Variants in PM20D2 observed in about 807,000 individuals in gnomAD.
The protein encoded by PM20D2 is peptidase M20 domain containing 2, also known as xaa-Arg dipeptidase.
A neutral mutation model predicts 42.9 loss-of-function variants in PM20D2; 33 were observed. That is an observed-to-expected ratio of 0.77 (90% CI 0.58 to 1.03). PM20D2 has a LOEUF of 1.03. PM20D2 is among the 50% of genes least tolerant of loss of function. The pLI, the probability that PM20D2 is intolerant of heterozygous loss-of-function variation, is 0.00. For missense variants in PM20D2, 548 were observed against 557.0 expected, an observed-to-expected ratio of 0.98 and a Z score of 0.16; for synonymous variants, 250 against 228.2, an observed-to-expected ratio of 1.10 and a Z score of -0.86.
the PM20D2 span, chr6:89,098,876 G>A: frequency 6.2e-7 from 1 of 1,613,798 alleles, no homozygotes; most frequent in Non-Finnish European, 8.5e-7. Context: ...CTGCCTTGCT[G>A]AGGTAGACCG....
At chr6:89,114,603 TAA>T in the PM20D2 span, among the ~76,000 whole-genome samples, 42 of 134,064 alleles carry the variant, frequency 3.1e-4, no homozygotes, top group African/African-American at 4.4e-4. Context: ...GTGGCAAAGC[TAA>T]AAAAAAAAAA....
the PM20D2 span, among the ~76,000 whole-genome samples, chr6:89,108,756 G>C: frequency 6.6e-6 from 1 of 152,156 alleles, no homozygotes; most frequent in African/African-American, 2.4e-5. Flanking sequence ...ACTGATAAGA[G>C]TTCTATAAGC....
chr6:89,109,139 C>T, the PM20D2 span, among the ~76,000 whole-genome samples: 1 of 152,170 alleles, frequency 6.6e-6, no homozygotes, highest in Non-Finnish European at 1.5e-5. Flanking sequence ...TTCTCAACCT[C>T]TCCTGAGTAC....
the PM20D2 span, among the ~76,000 whole-genome samples, chr6:89,102,272 T>G: frequency 2.0e-5 from 3 of 152,030 alleles, no homozygotes; most frequent in Admixed American, 6.6e-5. Context: ...ACCTCCCAAG[T>G]AGCTGGGATT....
rs1770557660 is a variant in PM20D2 at position 89,146,455 on chromosome 6, GC to G, written c.314del (p.Pro105ArgfsTer36). On this transcript the variant is annotated frameshift_variant, in exon 1 of 7. Transcript: ENST00000275072. LOFTEE classifies it high-confidence loss of function. ...PEARAPSATP[R>X]PLHLGFLCEY... ...GCCCGGGCACCGAGCGCCACGCCAC[GC>G]CCGCTGCACCTGGGCTTCCTCTGCG... 6.6e-7 allele frequency: 1 copy of G among 1,522,874 alleles called. No individual in the cohort carries two copies. Among genetic ancestry groups the G allele is most frequent in the South Asian group, 1.2e-5 (1 of 82,604 alleles). The allele number at this position is 1,522,874 out of a possible 1,614,324, so 94.3% of individuals were successfully genotyped here.
chr6:89,146,211 C>T lies in PM20D2; in HGVS notation c.67C>T (p.Leu23=). The T allele has an allele frequency of 6.4e-7, 1 of 1,568,402 alleles. No individual in the cohort carries two copies. Among genetic ancestry groups the T allele is most frequent in the East Asian group, 2.4e-5 (1 of 42,290 alleles). The change falls in exon 1 of 7, where the codon CTG becomes TTG. Residue 23 remains leucine, a synonymous_variant. Transcript: ENST00000275072. ...ACNGRSELEL[L]KLRSAECIDE... ...CAATGGCCGCTCCGAGCTGGAGCTACTGAAGCTGCGCTCGGCGGAGTGCAT... is the reference window on the plus strand; with the variant it reads ...CAATGGCCGCTCCGAGCTGGAGCTATTGAAGCTGCGCTCGGCGGAGTGCAT...
chr6:89,121,654 G>C, the PM20D2 span, among the ~76,000 whole-genome samples: 1 of 152,210 alleles, frequency 6.6e-6, no homozygotes, highest in Non-Finnish European at 1.5e-5. Flanking sequence ...CCAGGCTTAG[G>C]AGAGTTAATG....
the PM20D2 span, chr6:89,098,052 TA>T: frequency 1.3e-5 from 2 of 152,824 alleles, no homozygotes; most frequent in Non-Finnish European, 2.9e-5. Context: ...GTTTGATCTC[TA>T]TATATATTCT....
chr6:89,127,194 TATA>T, the PM20D2 span, among the ~76,000 whole-genome samples: 1 of 152,158 alleles, frequency 6.6e-6, no homozygotes, highest in Non-Finnish European at 1.5e-5. Context: ...ATGATAGAAT[TATA>T]ATGTCATAAT....
the PM20D2 span, among the ~76,000 whole-genome samples, chr6:89,103,204 A>ATAT: frequency 6.6e-6 from 1 of 152,216 alleles, no homozygotes; most frequent in African/African-American, 2.4e-5. Flanking sequence ...TGAGACAGTC[A>ATAT]AGTATTATAC....
the PM20D2 span, among the ~76,000 whole-genome samples, chr6:89,100,944 A>C: frequency 1.3e-5 from 2 of 152,102 alleles, no homozygotes; most frequent in Non-Finnish European, 2.9e-5. Context: ...ATCTCTACTA[A>C]AAATACAAAA....
the PM20D2 span, chr6:89,106,931 T>G: frequency 3.5e-6 from 2 of 569,272 alleles, no homozygotes; most frequent in South Asian, 1.5e-5. Context: ...TTTAGGTGCC[T>G]TTTGTCTCGC....
At chr6:89,098,712 C>A in the PM20D2 span, 1 of 1,613,922 alleles carries the variant, frequency 6.2e-7, no homozygotes, top group South Asian at 1.1e-5. Context: ...GCTATTGAGT[C>A]AGAATGTCTT....
the PM20D2 span, among the ~76,000 whole-genome samples, chr6:89,132,697 G>T: frequency 6.9e-4 from 104 of 150,296 alleles, no homozygotes; most frequent in Non-Finnish European, 1.4e-3. Context: ...AATTAGCTGG[G>T]TGTGGTGGCA....
Position 89,146,104 on chromosome 6 carries a change from C to T in PM20D2, c.-41C>T. 1 of 1,379,942 alleles carries T rather than the reference C, an allele frequency of 7.2e-7. No homozygotes were observed. Among genetic ancestry groups the T allele is most frequent in the Non-Finnish European group, 9.3e-7 (1 of 1,070,604 alleles). The allele number at this position is 1,379,942 out of a possible 1,614,324, so 85.5% of individuals were successfully genotyped here. A position where few individuals can be genotyped will look rare whatever the true frequency, so the allele number is the denominator to read the frequency against. On this transcript the variant is annotated 5_prime_UTR_variant, in exon 1 of 7. Coordinates refer to ENST00000275072, the MANE Select transcript of PM20D2 (RefSeq NM_001010853.3). ...GGGCGGTCGCTACCTGCGGCCGAGCCAGGGAGCGAGAGGGCGCAGAGGGCA... is the reference window on the plus strand; with the variant it reads ...GGGCGGTCGCTACCTGCGGCCGAGCTAGGGAGCGAGAGGGCGCAGAGGGCA...
chr6:89,134,680 A>G, the PM20D2 span, among the ~76,000 whole-genome samples: 1 of 151,234 alleles, frequency 6.6e-6, no homozygotes, highest in East Asian at 1.9e-4. Flanking sequence ...TTTGGGGGCA[A>G]CTATATAAGA....
At chr6:89,135,302 T>C in the PM20D2 span, among the ~76,000 whole-genome samples, 4 of 151,454 alleles carry the variant, frequency 2.6e-5, no homozygotes, top group South Asian at 4.1e-4. Context: ...TAAATTTGTT[T>C]TTATTATTGA....
the PM20D2 span, among the ~76,000 whole-genome samples, chr6:89,119,217 A>AATTT: frequency 6.6e-6 from 1 of 152,138 alleles, no homozygotes; most frequent in South Asian, 2.1e-4. Flanking sequence ...ATTCCCCTAG[A>AATTT]GCTTAGAATT....
the PM20D2 span, chr6:89,105,295 C>A: frequency 1.3e-6 from 2 of 1,584,750 alleles, no homozygotes; most frequent in Non-Finnish European, 1.7e-6. Flanking sequence ...TGACATAATT[C>A]GTTACCTGAA....
Sources: allele counts gnomAD v4.1 joint callset (sites outside exome capture counted in the v4.1 genomes callset), GRCh38; gene constraint gnomAD v4.1.1; transcripts MANE v1.5; gene names NCBI Gene and HGNC (gene_info 2026-07-23, HGNC 2026-07-21).